The following GBE1 variants were observed in gnomAD, a reference collection of about 807,000 sequenced individuals.
GBE1 encodes the protein 1,4-alpha-glucan branching enzyme 1, also known as 1,4-alpha-glucan-branching enzyme.
In GBE1, 70 loss-of-function variants were observed where a neutral mutation model predicts 88.8. That is an observed-to-expected ratio of 0.79 (90% CI 0.65 to 0.96). GBE1 has a LOEUF of 0.96. GBE1 is among the 40% of genes least tolerant of loss of function. The pLI, the probability that GBE1 is intolerant of heterozygous loss-of-function variation, is 0.00. For synonymous variants in GBE1, 284 were observed against 300.1 expected, an observed-to-expected ratio of 0.95 and a Z score of 0.56; for missense variants, 872 against 871.0, an observed-to-expected ratio of 1.00 and a Z score of -0.01.
intron 14 of GBE1, among the ~76,000 whole-genome samples, chr3:81,511,200 G>T (rs887276868): frequency 6.6e-6 from 1 of 151,940 alleles, no homozygotes; most frequent in African/African-American, 2.4e-5. Flanking sequence ...AGATTTAAAT[G>T]TAAGAACTCA....
At chr3:81,522,917 G>C (rs1017271117) in intron 14 of GBE1, among the ~76,000 whole-genome samples, 2 of 151,432 alleles carry the variant, frequency 1.3e-5, no homozygotes, top group African/African-American at 2.4e-5. Context: ...AACTAGTATA[G>C]CTTCCAGAAG....
chr3:81,603,407 A>T (rs910836143), intron 7 of GBE1, among the ~76,000 whole-genome samples: 4 of 152,078 alleles, frequency 2.6e-5, no homozygotes, highest in Non-Finnish European at 4.4e-5. Context: ...TCAGTATATA[A>T]ACAGATAATC....
chr3:81,502,489 T>C (rs535705379), intron 14 of GBE1, among the ~76,000 whole-genome samples: 1 of 152,312 alleles, frequency 6.6e-6, no homozygotes, highest in South Asian at 2.1e-4. Flanking sequence ...GGGAACACAA[T>C]AGCTTCCTTT....
intron 9 of GBE1, among the ~76,000 whole-genome samples, chr3:81,590,800 G>C (rs965640522): frequency 3.9e-5 from 6 of 151,974 alleles, no homozygotes; most frequent in African/African-American, 1.4e-4. Flanking sequence ...CCAACCACTG[G>C]CATTTTCTTT....
chr3:81,491,732 A>T (rs1034818502), intron 15 of GBE1, among the ~76,000 whole-genome samples: 1 of 152,216 alleles, frequency 6.6e-6, no homozygotes, highest in Non-Finnish European at 1.5e-5. Context: ...TTTAAAAAAA[A>T]AAAGCTTTCA....
chr3:81,691,382 T>G (rs1705517959), intron 2 of GBE1, among the ~76,000 whole-genome samples: 1 of 152,222 alleles, frequency 6.6e-6, no homozygotes, highest in Non-Finnish European at 1.5e-5. Context: ...GACTTAGCTT[T>G]TAACAATGTA....
intron 7 of GBE1, among the ~76,000 whole-genome samples, chr3:81,619,296 T>C (rs1296646409): frequency 1.3e-5 from 2 of 152,168 alleles, no homozygotes; most frequent in Non-Finnish European, 2.9e-5. Flanking sequence ...TGTAAATATA[T>C]CTACACATAC....
chr3:81,731,146 C>A (rs1405908467), intron 1 of GBE1, among the ~76,000 whole-genome samples: 2 of 152,086 alleles, frequency 1.3e-5, no homozygotes, highest in Non-Finnish European at 2.9e-5. Context: ...CCCTGGGAAC[C>A]CAACCTCTAT....
Position 81,648,970 on chromosome 3 carries a change from T to G in GBE1, c.577A>C (p.Lys193Gln). 6.3e-7 allele frequency: 1 copy of G among 1,586,820 alleles called. No individual in the cohort carries two copies. The highest frequency in any genetic ancestry group is 8.6e-7 in the Non-Finnish European group (1 of 1,165,032). Residue 193 changes from lysine (K) to glutamine (Q), a missense_variant, in exon 5 of 16, where the codon AAG becomes CAG. Physicochemically the swap from Lys to Gln is moderately conservative, Grantham distance 53. Transcript: ENST00000429644. ...SYEFKHSRPK[K>Q]PRSLRIYESH... ...TCATAAATTCTTAGACTCCGTGGCT[T>G]CTTTGGTCTGGAATGCTTAAACTAC...
chr3:81,634,028 C>A (rs906100634), intron 7 of GBE1, among the ~76,000 whole-genome samples: 4 of 152,174 alleles, frequency 2.6e-5, no homozygotes, highest in African/African-American at 9.6e-5. Flanking sequence ...ACATTCTCAA[C>A]ACGAAAGCAA....
intron 1 of GBE1, among the ~76,000 whole-genome samples, chr3:81,720,556 A>C (rs1181192050): frequency 2.0e-5 from 3 of 151,944 alleles, no homozygotes; most frequent in African/African-American, 7.3e-5. Context: ...TATTTACCCA[A>C]ATTGAAATTG....
chr3:81,641,658 A>T (rs963813308), intron 7 of GBE1, among the ~76,000 whole-genome samples: 1 of 152,042 alleles, frequency 6.6e-6, no homozygotes, highest in Non-Finnish European at 1.5e-5. Flanking sequence ...ACACTGTCTT[A>T]TCTGGCATGA....
At chr3:81,546,365 T>C (rs928210645) in intron 12 of GBE1, among the ~76,000 whole-genome samples, 2 of 152,162 alleles carry the variant, frequency 1.3e-5, no homozygotes, top group Admixed American at 6.5e-5. Flanking sequence ...CCATTCCTCA[T>C]AACTGTACCA....
intron 1 of GBE1, among the ~76,000 whole-genome samples, chr3:81,719,444 T>C (rs1474033844): frequency 6.6e-6 from 1 of 152,092 alleles, no homozygotes; most frequent in African/African-American, 2.4e-5. Context: ...GTCAAACTCC[T>C]GACCTCAAGT....
rs558235782 is a variant in GBE1 at position 81,692,142 on chromosome 3, C to G, written c.313+13302G>C. Reference sequence around the variant, plus strand: ...TACAGAGCCAGGGCTGGGGCAAGTACAGTGAGGACTGGTAGTTGGCCAACA... The same window carrying G: ...TACAGAGCCAGGGCTGGGGCAAGTAGAGTGAGGACTGGTAGTTGGCCAACA... On this transcript the variant is annotated intron_variant, in intron 2 of 15. Transcript: ENST00000429644. Among the ~76,000 whole-genome samples, 3 of 152,298 alleles carry G rather than the reference C, an allele frequency of 2.0e-5. No homozygotes were observed. In the South Asian group the frequency reaches 6.2e-4, roughly 32 times the overall value.
At chr3:81,583,025 T>G (rs1703755959) in intron 10 of GBE1, among the ~76,000 whole-genome samples, 1 of 151,842 alleles carries the variant, frequency 6.6e-6, no homozygotes, top group South Asian at 2.1e-4. Flanking sequence ...CCCTCAAAAC[T>G]CCACAGTAAA....
intron 1 of GBE1, among the ~76,000 whole-genome samples, chr3:81,742,677 G>A (rs556588392): frequency 7.9e-5 from 12 of 152,146 alleles, no homozygotes; most frequent in Non-Finnish European, 1.8e-4. Flanking sequence ...GGCCTGAGGC[G>A]AAAGAAGTTT....
intron 14 of GBE1, among the ~76,000 whole-genome samples, chr3:81,522,577 A>G (rs907531029): frequency 1.3e-5 from 2 of 151,590 alleles, no homozygotes; most frequent in African/African-American, 4.8e-5. Flanking sequence ...AGTAAAAAAC[A>G]TGATACAATT....
At chr3:81,593,049 G>A (rs1181362847) in intron 8 of GBE1, among the ~76,000 whole-genome samples, 1 of 151,568 alleles carries the variant, frequency 6.6e-6, no homozygotes, top group Non-Finnish European at 1.5e-5. Context: ...TATTGCTAGT[G>A]AACATTTGGC....
Sources: allele counts gnomAD v4.1 joint callset (sites outside exome capture counted in the v4.1 genomes callset), GRCh38; gene constraint gnomAD v4.1.1; transcripts MANE v1.5; gene names NCBI Gene and HGNC (gene_info 2026-07-23, HGNC 2026-07-21).